The following GLI3 variants were observed in gnomAD, a reference collection of about 807,000 sequenced individuals.
GLI3 encodes transcription activator GLI3.
Under a neutral mutation model 100.8 loss-of-function variants are expected in GLI3, and 20 were observed. That is an observed-to-expected ratio of 0.20 (90% CI 0.14 to 0.29). The LOEUF is 0.29. GLI3 is among the 10% of genes least tolerant of loss of function. The pLI is 1.00. For synonymous variants in GLI3, 938 were observed against 860.5 expected (o/e 1.09, Z -1.58); for missense variants, 2,040 against 2,128.5 (o/e 0.96, Z 0.82).
At chr7:41,988,456 T>C (rs1344298198) in intron 10 of GLI3, among the ~76,000 whole-genome samples, 1 of 83,060 alleles carries the variant, frequency 1.2e-5, no homozygotes, top group Non-Finnish European at 2.1e-5. Context: ...AGAATGAAAC[T>C]CCATCTCAAA....
chr7:42,042,853 C>T (rs1181661387), intron 6 of GLI3, among the ~76,000 whole-genome samples: 1 of 152,080 alleles, frequency 6.6e-6, no homozygotes, highest in Non-Finnish European at 1.5e-5. Context: ...TTCAGGGGCC[C>T]TCATCTCTAG....
chr7:42,050,806 T>C (rs1200550158), intron 4 of GLI3, among the ~76,000 whole-genome samples: 2 of 152,234 alleles, frequency 1.3e-5, no homozygotes, highest in Admixed American at 1.3e-4. Context: ...TTGAAACCTA[T>C]TATTTCTCCA....
intron 10 of GLI3, among the ~76,000 whole-genome samples, chr7:41,991,985 A>AG: frequency 6.6e-6 from 1 of 152,318 alleles, no homozygotes; most frequent in East Asian, 1.9e-4. Context: ...AGTGCTGCAG[A>AG]GGCAGCCTGG....
intron 1 of GLI3, among the ~76,000 whole-genome samples, chr7:42,261,648 C>G (rs1157609814): frequency 6.6e-6 from 1 of 152,168 alleles, no homozygotes; most frequent in East Asian, 1.9e-4. Flanking sequence ...TACTAATATA[C>G]TCAGTACATT....
At chr7:42,253,523 A>G (rs1402300612) in intron 1 of GLI3, among the ~76,000 whole-genome samples, 1 of 152,224 alleles carries the variant, frequency 6.6e-6, no homozygotes, top group Non-Finnish European at 1.5e-5. Flanking sequence ...TTCTGATGGC[A>G]TATCTGTGAC....
chr7:42,023,334 GA>G (rs1788997090), intron 10 of GLI3, 133 bp downstream of exon 10: 1 of 854,302 alleles, frequency 1.2e-6, no homozygotes, highest in Admixed American at 2.3e-5. Context: ...TTTATTCTCA[GA>G]AAGTCATAAA....
In GLI3 at chr7:42,130,919, G is replaced by A. The variant is rs1404901756; in HGVS notation, c.367+17307C>T. On this transcript the variant is annotated intron_variant, in intron 3 of 14. Transcript: ENST00000395925. ...CATCTACAAAGGAATACAAATCAAA[G>A]AGACATCAGACTTCTCATCTACAAC... Among the ~76,000 whole-genome samples the A allele has an allele frequency of 2.6e-5, 4 of 152,162 alleles. No individual in the cohort carries two copies. The South Asian group carries it at 8.3e-4, about 32-fold the overall frequency.
chr7:42,235,507 C>T (rs1788772075), intron 1 of GLI3, among the ~76,000 whole-genome samples: 1 of 152,118 alleles, frequency 6.6e-6, no homozygotes, highest in Admixed American at 6.5e-5. Flanking sequence ...CCACCAGACA[C>T]ATATTTCAGG....
intron 1 of GLI3, among the ~76,000 whole-genome samples, chr7:42,246,612 A>AAAAACAAAACAAAAC (rs3057272): frequency 1.3e-5 from 2 of 150,038 alleles, no homozygotes; most frequent in African/African-American, 4.9e-5. Context: ...GTACATACAG[A>AAAAACAAAACAAAAC]AAAACAAAAC....
At chr7:42,115,678 AGG>A (rs1785835594) in intron 3 of GLI3, among the ~76,000 whole-genome samples, 1 of 152,186 alleles carries the variant, frequency 6.6e-6, no homozygotes, top group Non-Finnish European at 1.5e-5. Flanking sequence ...TGCACACAGC[AGG>A]GACACAGTGG....
chr7:42,172,007 G>A (rs951169682), intron 2 of GLI3, among the ~76,000 whole-genome samples: 6 of 152,090 alleles, frequency 3.9e-5, no homozygotes, highest in Non-Finnish European at 7.4e-5. Context: ...TAGGACTCGT[G>A]CACATTCTGC....
intron 3 of GLI3, 129 bp downstream of exon 3, chr7:42,148,097 T>C: frequency 1.0e-6 from 1 of 954,880 alleles, no homozygotes; most frequent in Non-Finnish European, 1.5e-6. Flanking sequence ...AAATTACACC[T>C]TTTAATAAAT....
chr7:41,967,734 C>T lies in GLI3; in HGVS notation c.2293G>A (p.Ala765Thr), dbSNP rs1226046449. 1.2e-6 allele frequency: 2 copies of T among 1,614,182 alleles called. No individual in the cohort carries two copies. The highest frequency in any genetic ancestry group is 1.3e-5 in the African/African-American group (1 of 75,036). ...TTGGTCCCTGCCGGGTTTCTCCTGGCTTGCAAAGCAAGGGCTGTGGTTGCA... is the reference window on the plus strand; with the variant it reads ...TTGGTCCCTGCCGGGTTTCTCCTGGTTTGCAAAGCAAGGGCTGTGGTTGCA... ...STATTALALQ[A>T]RRNPAGTKWM... Residue 765 changes from alanine to threonine, a missense_variant, in exon 14 of 15, where the codon GCC becomes ACC. By Grantham distance (58) the Ala-to-Thr change is moderately conservative. Around this residue, in one of 5 missense-constraint regions of GLI3, gnomAD observed 327 missense variants for 338.7 expected, o/e 0.97. Transcript: ENST00000395925.
intron 3 of GLI3, among the ~76,000 whole-genome samples, chr7:42,141,006 G>C (rs1399679207): frequency 6.6e-6 from 1 of 152,178 alleles, no homozygotes; most frequent in Non-Finnish European, 1.5e-5. Context: ...TGCCATTTGG[G>C]TGGGTGCCAA....
At chr7:42,103,894 C>G (rs931883822) in intron 3 of GLI3, among the ~76,000 whole-genome samples, 2 of 152,056 alleles carry the variant, frequency 1.3e-5, no homozygotes, top group African/African-American at 2.4e-5. Flanking sequence ...TTACCATGAA[C>G]CATAAATAAT....
chr7:42,105,757 G>A lies in GLI3; in HGVS notation c.368-28900C>T, dbSNP rs188878185. 3.9e-5 allele frequency among the ~76,000 whole-genome samples: 6 copies of A among 152,106 alleles called. No individual in the cohort carries two copies. In the East Asian group the frequency reaches 5.8e-4, roughly 15 times the overall value. Reference sequence around the variant, plus strand: ...ACTGTGTGTGTCCAGTGCTAGCCTCGGGGGAACCAGCTCTCCATACACATC... The same window carrying A: ...ACTGTGTGTGTCCAGTGCTAGCCTCAGGGGAACCAGCTCTCCATACACATC... On this transcript the variant is annotated intron_variant, in intron 3 of 14. Transcript: ENST00000395925.
At chr7:42,058,996 A>G (rs762820012) in intron 4 of GLI3, among the ~76,000 whole-genome samples, 1 of 152,252 alleles carries the variant, frequency 6.6e-6, no homozygotes, top group Non-Finnish European at 1.5e-5. Flanking sequence ...GCTGGTTCAA[A>G]TAAGTACTTG....
rs571071706 is a variant in GLI3 at position 42,178,842 on chromosome 7, A to G, written c.125-30374T>C. Reference sequence around the variant, plus strand: ...CAGGAGGCAGGCAGGCAGACAGAGCAAGGTGATCTGGGTGGATCACACAAA... The same window carrying G: ...CAGGAGGCAGGCAGGCAGACAGAGCGAGGTGATCTGGGTGGATCACACAAA... On this transcript the variant is annotated intron_variant, in intron 2 of 14. Transcript: ENST00000395925. 2.0e-5 allele frequency among the ~76,000 whole-genome samples: 3 copies of G among 152,328 alleles called. No individual in the cohort carries two copies. In the East Asian group the frequency reaches 5.8e-4, roughly 29 times the overall value.
intron 10 of GLI3, among the ~76,000 whole-genome samples, chr7:42,006,441 T>C (rs1788462734): frequency 2.0e-5 from 3 of 152,214 alleles, no homozygotes; most frequent in South Asian, 2.1e-4. Context: ...GAATTCTCTA[T>C]GAAACCTGCC....
Sources: gnomAD v4.1 joint callset for allele counts (sites outside exome capture counted in the v4.1 genomes callset) on GRCh38, gnomAD v4.1.1 for gene constraint, gnomAD v4.1.1 regional missense constraint, MANE v1.5 for transcripts, NCBI Gene and HGNC (gene_info 2026-07-23, HGNC 2026-07-21) for gene names.